Variants in CLN6 observed in about 807,000 individuals in gnomAD.
CLN6 encodes ceroid-lipofuscinosis neuronal protein 6.
In CLN6, 22 loss-of-function variants were observed where a neutral mutation model predicts 33.3. The ratio of observed to expected loss-of-function variants is 0.66; its 90% CI spans 0.47 to 0.94. CLN6 has a LOEUF of 0.94. CLN6 is among the 40% of genes least tolerant of loss of function. The probability of loss-of-function intolerance (pLI) is 0.00; values close to 1 mark genes in which losing one functional copy is unlikely to be tolerated. For missense variants in CLN6, 387 were observed against 417.1 expected (o/e 0.93, Z 0.63); for synonymous variants, 201 against 174.6 (o/e 1.15, Z -1.19).
rs2093195338 is a variant in CLN6, at chr15:68,208,689, T to G, written c.666-279A>C. On this transcript the variant is annotated intron_variant, in intron 6 of 6. Coordinates refer to ENST00000249806, the MANE Select transcript of CLN6 (RefSeq NM_017882.3). This position sits in a 1 kb window ranked among gnomAD's most constrained non-coding sequence, Gnocchi z 5.8. ...CTGGCTTCTCTGGTCACATTAAGTT[T>G]ATACTTCCACACAACAAAAACTGAC... Among the ~76,000 whole-genome samples the G allele has an allele frequency of 6.6e-6, 1 of 152,248 alleles. No homozygotes were observed. The highest frequency in any genetic ancestry group is 2.1e-4 in the South Asian group (1 of 4,832).
intron 1 of CLN6, among the ~76,000 whole-genome samples, chr15:68,250,863 A>C (rs1340418847): frequency 6.6e-6 from 1 of 152,174 alleles, no homozygotes; most frequent in East Asian, 1.9e-4. Flanking sequence ...TAAGTTGGGG[A>C]CTGTATTTGT....
Position 68,214,194 on chromosome 15 carries a change from C to A in CLN6, c.297+96G>T, listed in dbSNP as rs1212247907. On this transcript the variant is annotated intron_variant, in intron 3 of 6. Transcript: ENST00000249806. ...TTCACCCCCCAGCAGCAGGCAGGAG[C>A]GTGCTTGAGTCAGGACACAGGGCTT... 5.3e-6 allele frequency: 5 copies of A among 935,934 alleles called. No individual in the cohort carries two copies. In the South Asian group the frequency reaches 5.4e-5, roughly 10 times the overall value. The allele number at this position is 935,934 out of a possible 1,614,324, so 58.0% of individuals were successfully genotyped here.
At chr15:68,254,866 C>G (rs1301704327) in intron 1 of CLN6, 4 of 1,135,808 alleles carry the variant, frequency 3.5e-6, no homozygotes, top group Non-Finnish European at 5.3e-6. Flanking sequence ...CCAAACAGAC[C>G]AGACACAGAA....
rs966731149 is a variant in CLN6, at chr15:68,219,342, G to A, written c.84-692C>T. On this transcript the variant is annotated intron_variant, in intron 1 of 6. Coordinates refer to ENST00000249806, the MANE Select transcript of CLN6 (RefSeq NM_017882.3). The surrounding 1 kb of genome is among the most constrained non-coding windows in gnomAD (Gnocchi z 4.2). ...CTGAAATGGATAGGGCCTCCTGCTC[G>A]CTTGATTCCAGCACTGTGAGGAGGT... Among the ~76,000 whole-genome samples the A allele has an allele frequency of 1.1e-4, 16 of 152,150 alleles. No individual in the cohort carries two copies.
intron 1 of CLN6, among the ~76,000 whole-genome samples, chr15:68,251,630 G>A (rs1364864758): frequency 6.6e-6 from 1 of 151,928 alleles, no homozygotes; most frequent in African/African-American, 2.4e-5. Context: ...AACCAAGATC[G>A]CCCCACTGCA....
intron 1 of CLN6, 36 bp downstream of exon 1, chr15:68,229,466 C>A (rs971831282): frequency 1.5e-4 from 216 of 1,432,376 alleles, no homozygotes; most frequent in Non-Finnish European, 1.8e-4. Flanking sequence ...AGCGCACAGG[C>A]GCCTAGCCCG....
chr15:68,250,041 G>A lies in CLN6; in HGVS notation c.179+6649C>T, dbSNP rs574940641. The stretch of plus-strand genomic sequence containing the variant: ...CCACCTTGGCCTCCCAAAGTGCTGG[G>A]ATTAGAGGCGTGAGTCACTGCGCCG... On this transcript the variant is annotated intron_variant, in intron 1 of 6. Transcript: ENST00000538696. 2.5e-3 allele frequency among the ~76,000 whole-genome samples: 387 copies of A among 152,296 alleles called. 3 individuals carry two copies. Among genetic ancestry groups the A allele is most frequent in the African/African-American group, 8.9e-3 (368 of 41,558 alleles).
Position 68,229,688 on chromosome 15 carries a change from G to A in CLN6, c.-104C>T, listed in dbSNP as rs1248081384. The A allele has an allele frequency of 5.3e-6, 5 of 942,708 alleles. No homozygotes were observed. Among genetic ancestry groups the A allele is most frequent in the East Asian group, 7.0e-5 (2 of 28,428 alleles). 58.4% of individuals were successfully genotyped at this position (942,708 alleles called of 1,614,324 possible). ...GCAAATTCCCAGCGCGGGGCGGTTC[G>A]GGGCGGGCCGGCGAGAGCGCGCGGC... On this transcript the variant is annotated 5_prime_UTR_variant, in exon 1 of 7. Transcript: ENST00000249806.
chr15:68,243,484 G>A (rs567650691), intron 1 of CLN6, among the ~76,000 whole-genome samples: 1 of 152,182 alleles, frequency 6.6e-6, no homozygotes, highest in Non-Finnish European at 1.5e-5. Context: ...GCTGGGTGCG[G>A]TGGCTCATGC....
chr15:68,209,581 G>A lies in CLN6; in HGVS notation c.665+56C>T. 1 of 1,605,356 alleles carries A rather than the reference G, an allele frequency of 6.2e-7. No homozygotes were observed. Among genetic ancestry groups the A allele is most frequent in the South Asian group, 1.1e-5 (1 of 90,698 alleles). On this transcript the variant is annotated intron_variant, in intron 6 of 6. Transcript: ENST00000249806. This position sits in a 1 kb window ranked among gnomAD's most constrained non-coding sequence, Gnocchi z 4.9. ...GGTCCATTGGCAAGTGCAGAATTTT[G>A]CTGCCGTGGCTCTCTCAGTGCCCCT...
chr15:68,208,059 ACC>A lies in CLN6; in HGVS notation c.*79_*80del. ...TCTCGGTCTCTGGTTACACACCCACACCCCCCCTACTCCTGTATTCAGATGCC... is the reference window on the plus strand; with the variant it reads ...TCTCGGTCTCTGGTTACACACCCACACCCCCTACTCCTGTATTCAGATGCC... On this transcript the variant is annotated 3_prime_UTR_variant, in exon 7 of 7. Transcript: ENST00000249806. This position sits in a 1 kb window ranked among gnomAD's most constrained non-coding sequence, Gnocchi z 5.8. The A allele has an allele frequency of 6.8e-7, 1 of 1,471,866 alleles. No homozygotes were observed. The highest frequency in any genetic ancestry group is 9.2e-7 in the Non-Finnish European group (1 of 1,082,286). 91.2% of individuals were successfully genotyped at this position (1,471,866 alleles called of 1,614,324 possible).
At chr15:68,250,145 G>A (rs1360654887) in intron 1 of CLN6, among the ~76,000 whole-genome samples, 1 of 152,074 alleles carries the variant, frequency 6.6e-6, no homozygotes, top group African/African-American at 2.4e-5. Context: ...AAATATTTAA[G>A]GTGACAGCTA....
chr15:68,231,270 G>A (rs1000892469), upstream of CLN6, among the ~76,000 whole-genome samples: 3 of 150,172 alleles, frequency 2.0e-5, no homozygotes, highest in South Asian at 2.1e-4. Context: ...CCCCCCCTCC[G>A]CCCCTGGTCC....
intron 2 of CLN6, 39 bp downstream of exon 2, chr15:68,218,497 C>T (rs1350640177): frequency 7.1e-7 from 1 of 1,414,700 alleles, no homozygotes; most frequent in Non-Finnish European, 1.0e-6. Flanking sequence ...TAAGTGTCCT[C>T]AGTGCTGGTC....
intron 2 of CLN6, chr15:68,215,307 C>T (rs1026191305): frequency 2.6e-5 from 4 of 152,144 alleles, no homozygotes; most frequent in Non-Finnish European, 1.5e-5. Flanking sequence ...ATGTGTTTAT[C>T]TGCCTCTTTA....
chr15:68,229,605 G>A lies in CLN6; in HGVS notation c.-21C>T, dbSNP rs755560864. On this transcript the variant is annotated 5_prime_UTR_variant, in exon 1 of 7. Coordinates refer to ENST00000249806, the MANE Select transcript of CLN6 (RefSeq NM_017882.3). Reference sequence around the variant, plus strand: ...TCCATGGCTGCCCCGCAGGCCCCTCGGCCCTGCCTTTCCGAGGAAGAGACC... The same window carrying A: ...TCCATGGCTGCCCCGCAGGCCCCTCAGCCCTGCCTTTCCGAGGAAGAGACC... 8.3e-6 allele frequency: 12 copies of A among 1,450,602 alleles called. No individual in the cohort carries two copies. The South Asian group carries it at 1.3e-4, about 16-fold the overall frequency. The allele number at this position is 1,450,602 out of a possible 1,614,324, so 89.9% of individuals were successfully genotyped here.
rs959376650 is a variant in CLN6 at position 68,256,841 on chromosome 15, G to C, written c.28C>G (p.Arg10Gly). 95 of 697,644 alleles carry C rather than the reference G, an allele frequency of 1.4e-4. No individual in the cohort carries two copies. The highest frequency in any genetic ancestry group is 2.4e-4 in the Non-Finnish European group (91 of 382,634). The allele number at this position is 697,644 out of a possible 1,614,324, so 43.2% of individuals were successfully genotyped here. The change falls in exon 1 of 7, where the codon CGA becomes GGA. Residue 10 changes from arginine to glycine, a missense_variant. Coordinates refer to the CLN6 transcript ENST00000538696. This position sits in a 1 kb window ranked among gnomAD's most constrained non-coding sequence, Gnocchi z 4.1. ...TCTGGCCGGGGCCTGCCTCTCGCTC[G>C]CCGCTCCTTCCCGGCAACGGCTGCC... is the stretch of plus-strand genomic sequence containing the variant.
chr15:68,235,156 G>A (rs886433593), intron 1 of CLN6, among the ~76,000 whole-genome samples: 14 of 152,148 alleles, frequency 9.2e-5, no homozygotes, highest in Non-Finnish European at 1.5e-4. Flanking sequence ...AAGGGATAGC[G>A]CTAACCTTGG....
chr15:68,237,999 T>C lies in CLN6; in HGVS notation c.179+18691A>G, dbSNP rs187599845. ...TTAGCTGAGCGTGGTGGTGGGTGCC[T>C]GTAGTCCCAGGTACTCGGGAGGCTG... On this transcript the variant is annotated intron_variant, in intron 1 of 6. Coordinates refer to the CLN6 transcript ENST00000538696. Among the ~76,000 whole-genome samples the C allele has an allele frequency of 5.6e-3, 855 of 152,164 alleles. 5 individuals carry two copies. Among genetic ancestry groups the C allele is most frequent in the African/African-American group, 0.019 (808 of 41,510 alleles).
Sources: allele counts gnomAD v4.1 joint callset (sites outside exome capture counted in the v4.1 genomes callset), GRCh38; gene constraint gnomAD v4.1.1; non-coding constraint Gnocchi (gnomAD v3.1); transcripts MANE v1.5; gene names NCBI Gene and HGNC (gene_info 2026-07-23, HGNC 2026-07-21).